The following CARMIL1 variants were observed in gnomAD, a reference collection of about 807,000 sequenced individuals.
The protein encoded by CARMIL1 is F-actin-uncapping protein LRRC16A.
CARMIL1 carries 90 observed loss-of-function variants against 177.1 expected under a neutral mutation model. That is an observed-to-expected ratio of 0.51 (90% CI 0.43 to 0.61). The LOEUF (loss-of-function observed/expected upper bound fraction) is 0.61, where lower values mean the gene tolerates loss of function less well. CARMIL1 is among the 20% of genes least tolerant of loss of function. CARMIL1 has a pLI of 0.00. For synonymous variants in CARMIL1, 577 were observed against 606.2 expected (o/e 0.95, Z 0.71); for missense variants, 1,380 against 1,667.0 (o/e 0.83, Z 3.00).
At chr6:25,479,171 G>T in intron 11 of CARMIL1, 1 of 518,974 alleles carries the variant, frequency 1.9e-6, no homozygotes, top group Non-Finnish European at 3.8e-6. Flanking sequence ...CTTGTGGTTT[G>T]CCCCAGTGAT....
intron 10 of CARMIL1, 99 bp from the exon 11 acceptor site, chr6:25,472,328 G>A: frequency 1.3e-6 from 1 of 779,404 alleles, no homozygotes; most frequent in South Asian, 1.7e-5. Flanking sequence ...TGTAAGGGAG[G>A]TTTCTCTATT....
At chr6:25,444,372 T>C (rs34816556) in intron 5 of CARMIL1, among the ~76,000 whole-genome samples, 1 of 151,410 alleles carries the variant, frequency 6.6e-6, no homozygotes, top group Non-Finnish European at 1.5e-5. Flanking sequence ...AGGTTCACAG[T>C]GTCTTTTTTT....
chr6:25,469,720 C>T (rs1164047409), intron 9 of CARMIL1, among the ~76,000 whole-genome samples: 2 of 151,998 alleles, frequency 1.3e-5, no homozygotes, highest in African/African-American at 4.8e-5. Flanking sequence ...GTCTGGGACC[C>T]CACCCCACTA....
At chr6:25,616,530 C>A in intron 36 of CARMIL1, among the ~76,000 whole-genome samples, 1 of 152,174 alleles carries the variant, frequency 6.6e-6, no homozygotes, top group Admixed American at 6.5e-5. Flanking sequence ...GCTATGACTG[C>A]GCCACTGAAT....
chr6:25,525,247 C>T (rs1806978428), intron 23 of CARMIL1, among the ~76,000 whole-genome samples: 2 of 152,036 alleles, frequency 1.3e-5, no homozygotes, highest in Admixed American at 1.3e-4. Context: ...AAAAAAACAC[C>T]TGTGTATTGA....
intron 2 of CARMIL1, among the ~76,000 whole-genome samples, chr6:25,300,385 G>C (rs1782759690): frequency 6.6e-6 from 1 of 152,168 alleles, no homozygotes; most frequent in Admixed American, 6.5e-5. Context: ...TGCAAAAGCA[G>C]GCCAAGCGTG....
At chr6:25,381,530 G>A (rs929356234) in intron 2 of CARMIL1, among the ~76,000 whole-genome samples, 1 of 152,258 alleles carries the variant, frequency 6.6e-6, no homozygotes, top group African/African-American at 2.4e-5. Flanking sequence ...GATAAATCTT[G>A]AGTTTCTATG....
intron 2 of CARMIL1, among the ~76,000 whole-genome samples, chr6:25,311,278 A>G (rs1049625655): frequency 1.3e-5 from 2 of 152,324 alleles, no homozygotes; most frequent in South Asian, 2.1e-4. Context: ...AAAATAAATA[A>G]TGAAATAAAA....
At chr6:25,456,941 T>TC (rs766775625) in intron 8 of CARMIL1, among the ~76,000 whole-genome samples, 2 of 152,130 alleles carry the variant, frequency 1.3e-5, no homozygotes, top group Non-Finnish European at 2.9e-5. Flanking sequence ...GCCAAGGTTG[T>TC]CCTAAGGACA....
chr6:25,455,059 C>T (rs1470893619), intron 8 of CARMIL1, among the ~76,000 whole-genome samples: 1 of 152,134 alleles, frequency 6.6e-6, no homozygotes, highest in Non-Finnish European at 1.5e-5. Context: ...CATGAATTTT[C>T]CCACTGTGAT....
At position 25,280,796 on chromosome 6, in the gene CARMIL1, A is replaced by G. The variant is rs1057451416; in HGVS notation, c.40+961A>G. 3.9e-5 allele frequency among the ~76,000 whole-genome samples: 6 copies of G among 152,060 alleles called. No homozygotes were observed. In the East Asian group the frequency reaches 7.7e-4, roughly 20 times the overall value. On this transcript the variant is annotated intron_variant, in intron 1 of 36. Coordinates refer to ENST00000329474, the MANE Select transcript of CARMIL1 (RefSeq NM_017640.6). The stretch of plus-strand genomic sequence containing the variant: ...GATGTGTTTTGAGCCCTAGTGACCT[A>G]TATTCCCTCCTGTACCATTCTTGGC...
chr6:25,459,210 T>TTTTCTTTCTTTCTTTCTTTCTTCC (rs1799799036), intron 8 of CARMIL1, among the ~76,000 whole-genome samples: 2 of 80,178 alleles, frequency 2.5e-5, no homozygotes, highest in African/African-American at 8.9e-5. Context: ...GATCCCAACT[T>TTTTCTTTCTTTCTTTCTTTCTTCC]TTTCTTTCTT....
chr6:25,429,638 G>A (rs969507873), intron 4 of CARMIL1, among the ~76,000 whole-genome samples: 2 of 152,018 alleles, frequency 1.3e-5, no homozygotes, highest in Non-Finnish European at 2.9e-5. Flanking sequence ...GGTTTAAGAA[G>A]TTTCTTTCTA....
chr6:25,504,045 A>G (rs1804685080), intron 17 of CARMIL1, among the ~76,000 whole-genome samples: 1 of 152,152 alleles, frequency 6.6e-6, no homozygotes, highest in Admixed American at 6.5e-5. Flanking sequence ...ATTGTGAGAT[A>G]CCTTGATGTC....
chr6:25,467,544 G>A (rs992552286), intron 9 of CARMIL1, among the ~76,000 whole-genome samples: 2 of 152,164 alleles, frequency 1.3e-5, no homozygotes, highest in Non-Finnish European at 2.9e-5. Flanking sequence ...TTACAGGAAG[G>A]TGTCCAGGCA....
chr6:25,492,985 A>G (rs1803381922), intron 15 of CARMIL1, among the ~76,000 whole-genome samples: 2 of 152,168 alleles, frequency 1.3e-5, no homozygotes, highest in South Asian at 4.1e-4. Context: ...GAAAAGTTGA[A>G]TTTTCCATGA....
intron 5 of CARMIL1, among the ~76,000 whole-genome samples, chr6:25,444,031 G>A (rs1029090716): frequency 1.3e-5 from 2 of 152,086 alleles, no homozygotes; most frequent in Non-Finnish European, 2.9e-5. Flanking sequence ...TCGAACTCCC[G>A]ACCTCAGGTG....
At chr6:25,506,313 A>G (rs979728481) in intron 17 of CARMIL1, among the ~76,000 whole-genome samples, 2 of 152,200 alleles carry the variant, frequency 1.3e-5, no homozygotes, top group South Asian at 2.1e-4. Flanking sequence ...TTGGGAGGCC[A>G]AGGCAGGCAG....
chr6:25,457,625 A>G (rs1226064925), intron 8 of CARMIL1, among the ~76,000 whole-genome samples: 1 of 152,208 alleles, frequency 6.6e-6, no homozygotes, highest in Non-Finnish European at 1.5e-5. Flanking sequence ...TCGAATGAAT[A>G]TGTCAGGAAA....
Sources: gnomAD v4.1 joint callset for allele counts (sites outside exome capture counted in the v4.1 genomes callset) on GRCh38, gnomAD v4.1.1 for gene constraint, MANE v1.5 for transcripts, NCBI Gene and HGNC (gene_info 2026-07-23, HGNC 2026-07-21) for gene names.